Variants in BLTP3B observed in about 807,000 individuals in gnomAD.
The protein encoded by BLTP3B is bridge-like lipid transfer protein family member 3B.
At chr12:100,138,385 G>A in the BLTP3B span, among the ~76,000 whole-genome samples, 11 of 152,228 alleles carry the variant, frequency 7.2e-5, no homozygotes, top group African/African-American at 2.2e-4. Context: ...TCAATCATAC[G>A]ACACACACCT....
the BLTP3B span, chr12:100,098,216 T>G: frequency 1.1e-6 from 1 of 921,090 alleles, no homozygotes; most frequent in Non-Finnish European, 1.6e-6. Context: ...AGACCCTGTC[T>G]CCCCGCACCC....
chr12:100,122,697 G>T, the BLTP3B span, among the ~76,000 whole-genome samples: 1 of 152,110 alleles, frequency 6.6e-6, no homozygotes, highest in African/African-American at 2.4e-5. Flanking sequence ...GCCAAAGCAG[G>T]CCCTTGAGCC....
the BLTP3B span, among the ~76,000 whole-genome samples, chr12:100,081,474 G>A: frequency 6.6e-6 from 1 of 152,104 alleles, no homozygotes; most frequent in East Asian, 1.9e-4. Flanking sequence ...CTGGTAAACT[G>A]CGTGTCACTG....
At chr12:100,085,829 A>G in the BLTP3B span, among the ~76,000 whole-genome samples, 1 of 152,108 alleles carries the variant, frequency 6.6e-6, no homozygotes, top group Admixed American at 6.5e-5. Context: ...GAAATCTGGA[A>G]TCCTATAATT....
At chr12:100,142,761 A>G in the BLTP3B span, 3 of 1,414,558 alleles carry the variant, frequency 2.1e-6, no homozygotes, top group Non-Finnish European at 9.4e-7. Flanking sequence ...CGACCGGGAG[A>G]GACCCAAGGC....
chr12:100,086,327 C>T, the BLTP3B span: 1 of 1,553,644 alleles, frequency 6.4e-7, no homozygotes, highest in East Asian at 2.3e-5. Context: ...AAGAGAGTTG[C>T]ATTGCCCCTC....
chr12:100,135,897 CATT>C, the BLTP3B span, among the ~76,000 whole-genome samples: 1 of 152,102 alleles, frequency 6.6e-6, no homozygotes, highest in Non-Finnish European at 1.5e-5. Flanking sequence ...TCAAAATCCA[CATT>C]ATTAGAGATT....
At chr12:100,046,635 T>C in the BLTP3B span, among the ~76,000 whole-genome samples, 1 of 151,662 alleles carries the variant, frequency 6.6e-6, no homozygotes, top group Non-Finnish European at 1.5e-5. Flanking sequence ...AAATGATGAG[T>C]TGATGGGTGC....
At chr12:100,130,605 G>A in the BLTP3B span, among the ~76,000 whole-genome samples, 24 of 152,162 alleles carry the variant, frequency 1.6e-4, no homozygotes, top group South Asian at 5.0e-3. Context: ...TATATATAAA[G>A]TTGCAGCACA....
chr12:100,098,129 A>G, the BLTP3B span, among the ~76,000 whole-genome samples: 1 of 152,068 alleles, frequency 6.6e-6, no homozygotes, highest in Non-Finnish European at 1.5e-5. Flanking sequence ...AGGTGGGAGG[A>G]TCACCTGAGC....
chr12:100,112,140 G>C, the BLTP3B span, among the ~76,000 whole-genome samples: 1 of 152,156 alleles, frequency 6.6e-6, no homozygotes, highest in African/African-American at 2.4e-5. Context: ...AACCAAAAAA[G>C]CCTGGCCTGG....
chr12:100,093,370 G>A, the BLTP3B span, among the ~76,000 whole-genome samples: 2 of 130,198 alleles, frequency 1.5e-5, no homozygotes, highest in African/African-American at 7.2e-5. Flanking sequence ...CATGTGACTC[G>A]ATTCTTTCGA....
chr12:100,088,750 A>G, the BLTP3B span, among the ~76,000 whole-genome samples: 2 of 152,212 alleles, frequency 1.3e-5, no homozygotes, highest in Admixed American at 6.5e-5. Flanking sequence ...AAAATTTCAT[A>G]CCAATATATG....
the BLTP3B span, among the ~76,000 whole-genome samples, chr12:100,053,700 C>G: frequency 1.3e-5 from 2 of 152,040 alleles, no homozygotes; most frequent in Non-Finnish European, 2.9e-5. Flanking sequence ...GTAGTTACTT[C>G]TGCAGTGGGG....
chr12:100,091,175 C>T, the BLTP3B span, among the ~76,000 whole-genome samples: 1 of 148,004 alleles, frequency 6.8e-6, no homozygotes, highest in African/African-American at 2.5e-5. Flanking sequence ...CACCATCACG[C>T]CTGGCTAATT....
At chr12:100,108,637 T>C in the BLTP3B span, 1 of 1,099,132 alleles carries the variant, frequency 9.1e-7, no homozygotes, top group South Asian at 1.7e-5. Flanking sequence ...ACTAAAAATA[T>C]AATAGGAGTG....
chr12:100,131,437 G>A, the BLTP3B span, among the ~76,000 whole-genome samples: 1 of 151,770 alleles, frequency 6.6e-6, no homozygotes, highest in Non-Finnish European at 1.5e-5. Flanking sequence ...TACTGGTAGT[G>A]GTAAAAAGAA....
At chr12:100,142,325 T>TCCCA in the BLTP3B span, among the ~76,000 whole-genome samples, 3 of 152,058 alleles carry the variant, frequency 2.0e-5, no homozygotes, top group East Asian at 5.8e-4. Context: ...CCGGGAGCGA[T>TCCCA]CCCAGCCCGC....
At chr12:100,044,277 C>G in the BLTP3B span, among the ~76,000 whole-genome samples, 1 of 152,156 alleles carries the variant, frequency 6.6e-6, no homozygotes, top group Admixed American at 6.6e-5. Flanking sequence ...TGTTCCCAAA[C>G]TACAGAGGAA....
Sources: gnomAD v4.1 joint callset for allele counts (sites outside exome capture counted in the v4.1 genomes callset) on GRCh38, gnomAD v4.1.1 for gene constraint, MANE v1.5 for transcripts, NCBI Gene and HGNC (gene_info 2026-07-23, HGNC 2026-07-21) for gene names.